The following IBTK variants were observed in gnomAD, a reference collection of about 807,000 sequenced individuals.
IBTK encodes the protein BTK-binding protein.
A neutral mutation model predicts 154.9 loss-of-function variants in IBTK; 83 were observed. That is an observed-to-expected ratio of 0.54 (90% CI 0.45 to 0.64). IBTK has a LOEUF of 0.64. Among genes scored for constraint, IBTK ranks in the 30% least tolerant of loss-of-function variants. The pLI is 0.00. For missense variants in IBTK, 1,332 were observed against 1,584.6 expected (o/e 0.84, Z 2.71); for synonymous variants, 515 against 536.1 (o/e 0.96, Z 0.54).
At position 82,172,282 on chromosome 6, in the gene IBTK, C is replaced by T. The variant is rs759854818; in HGVS notation, c.3930+98G>A. 9 of 1,186,536 alleles carry T rather than the reference C, an allele frequency of 7.6e-6. No individual in the cohort carries two copies. In the African/African-American group the frequency reaches 9.8e-5, roughly 13 times the overall value. 73.5% of individuals were successfully genotyped at this position (1,186,536 alleles called of 1,614,324 possible). On this transcript the variant is annotated intron_variant, in intron 28 of 28. Coordinates refer to ENST00000306270, the MANE Select transcript of IBTK (RefSeq NM_015525.4). ...CATTTACATTTTAATTTCATAGATA[C>T]AAGCACCTGTCCAAAACAAACAAAC... is the stretch of plus-strand genomic sequence containing the variant.
intron 23 of IBTK, among the ~76,000 whole-genome samples, chr6:82,192,728 T>C (rs1768814981): frequency 8.0e-6 from 1 of 125,630 alleles, no homozygotes; most frequent in Non-Finnish European, 1.7e-5. Context: ...GCCTGGGCAA[T>C]GAGGGCGAAA....
At chr6:82,235,460 G>A (rs1770681173) in intron 2 of IBTK, among the ~76,000 whole-genome samples, 1 of 151,998 alleles carries the variant, frequency 6.6e-6, no homozygotes, top group South Asian at 2.1e-4. Flanking sequence ...CAGGTGTGGT[G>A]GTGCATGCCT....
At position 82,204,947 on chromosome 6, in the gene IBTK, C is replaced by T. The variant is rs200780456; in HGVS notation, c.2521G>A (p.Val841Ile). The T allele has an allele frequency of 1.3e-6, 2 of 1,585,868 alleles. No homozygotes were observed. Among genetic ancestry groups the T allele is most frequent in the African/African-American group, 1.4e-5 (1 of 73,750 alleles). Residue 841 changes from valine (V) to isoleucine (I), a missense_variant, in exon 17 of 29, where the codon GTA becomes ATA. Transcript: ENST00000306270. ...ACAAGAACACTACAAATAAAATCTA[C>T]ATTTTGAGATTCTAAAAAAAGAAAG... ...EAVVIKESQN[V>I]DFICSVLVVA...
intron 4 of IBTK, 58 bp downstream of exon 4, chr6:82,231,656 ACAAT>A: frequency 2.3e-6 from 3 of 1,294,324 alleles, no homozygotes; most frequent in Non-Finnish European, 3.2e-6. Flanking sequence ...GAAAAGCTGA[ACAAT>A]CAAATACAAA....
At chr6:82,234,499 C>G (rs890836890) in intron 2 of IBTK, among the ~76,000 whole-genome samples, 3 of 151,754 alleles carry the variant, frequency 2.0e-5, no homozygotes, top group African/African-American at 7.3e-5. Flanking sequence ...CCACCACGCC[C>G]GGCTAATTTT....
At chr6:82,189,436 A>C (rs1229848393) in intron 25 of IBTK, among the ~76,000 whole-genome samples, 2 of 152,190 alleles carry the variant, frequency 1.3e-5, no homozygotes, top group African/African-American at 4.8e-5. Context: ...GGCTAGAATA[A>C]AAACATTTTC....
chr6:82,173,311 T>C (rs1767997544), intron 27 of IBTK, 56 bp downstream of exon 27: 2 of 1,300,936 alleles, frequency 1.5e-6, no homozygotes, highest in East Asian at 2.3e-5. Context: ...CTTAATGTTT[T>C]CAATGCTAAG....
Position 82,223,504 on chromosome 6 carries a change from A to G in IBTK, c.1060T>C (p.Cys354Arg), listed in dbSNP as rs1206324572. 1.2e-6 allele frequency: 2 copies of G among 1,614,010 alleles called. No homozygotes were observed. Among genetic ancestry groups the G allele is most frequent in the African/African-American group, 1.3e-5 (1 of 74,944 alleles). ...TAAATATCTCCCCTTGTGGTAACAC[A>G]GACTGTAGCTCCATCACTTGCAGCA... Reference protein sequence around the residue: ...LVAASDGATVCVTTRGDIYLL... With the variant: ...LVAASDGATVRVTTRGDIYLL... The change falls in exon 8 of 29, where the codon TGT (cysteine) becomes CGT (arginine). Residue 354 changes from cysteine (C) to arginine (R), a missense_variant. Cys to Arg is a radical substitution (Grantham distance 180). Around this residue, in one of 3 missense-constraint regions of IBTK, gnomAD observed 1,134 missense variants for 1,274.7 expected, o/e 0.89. Coordinates refer to ENST00000306270, the MANE Select transcript of IBTK (RefSeq NM_015525.4).
chr6:82,247,428 G>A (rs1771196661), intron 1 of IBTK, 134 bp downstream of exon 1: 2 of 395,144 alleles, frequency 5.1e-6, no homozygotes, highest in East Asian at 3.6e-5. Context: ...GGGCCACAGA[G>A]TCCCCTCCCC....
At chr6:82,184,061 A>G (rs1768419731) in intron 25 of IBTK, among the ~76,000 whole-genome samples, 1 of 152,240 alleles carries the variant, frequency 6.6e-6, no homozygotes, top group South Asian at 2.1e-4. Context: ...CAGCAGCACA[A>G]AATGAACTAA....
intron 26 of IBTK, among the ~76,000 whole-genome samples, chr6:82,181,360 G>T (rs1435836941): frequency 6.6e-6 from 1 of 152,180 alleles, no homozygotes; most frequent in African/African-American, 2.4e-5. Flanking sequence ...TAGTGAAACA[G>T]AATCAATGGA....
At chr6:82,217,901 T>A in intron 10 of IBTK, 59 bp downstream of exon 10, 1 of 1,186,618 alleles carries the variant, frequency 8.4e-7, no homozygotes, top group Non-Finnish European at 1.2e-6. Flanking sequence ...ACCTAATACT[T>A]GTCAAATTAA....
At chr6:82,244,735 G>A (rs1277702588) in intron 1 of IBTK, among the ~76,000 whole-genome samples, 4 of 151,908 alleles carry the variant, frequency 2.6e-5, no homozygotes, top group African/African-American at 7.3e-5. Flanking sequence ...CTTAAAGAAG[G>A]GGAAGAAAGC....
intron 5 of IBTK, among the ~76,000 whole-genome samples, chr6:82,226,955 A>G (rs1179479834): frequency 6.6e-6 from 1 of 152,170 alleles, no homozygotes; most frequent in East Asian, 1.9e-4. Flanking sequence ...AAGCTTATGT[A>G]ACGCTCCTGA....
At chr6:82,192,495 C>T (rs1004386479) in intron 23 of IBTK, among the ~76,000 whole-genome samples, 2 of 152,052 alleles carry the variant, frequency 1.3e-5, no homozygotes, top group African/African-American at 4.8e-5. Context: ...GCCTGTAATC[C>T]CAGTACTTTG....
intron 27 of IBTK, 51 bp from the exon 28 acceptor site, chr6:82,172,563 G>T: frequency 6.5e-7 from 1 of 1,547,608 alleles, no homozygotes. Flanking sequence ...ATTTTTGCAT[G>T]CAAAATTTTC....
intron 4 of IBTK, among the ~76,000 whole-genome samples, chr6:82,228,652 C>T (rs1050582217): frequency 6.7e-6 from 1 of 150,178 alleles, no homozygotes; most frequent in African/African-American, 2.5e-5. Flanking sequence ...GACGGAGTCT[C>T]GCTCTGTCAC....
At position 82,172,278 on chromosome 6, in the gene IBTK, GATACA is replaced by G. The variant is rs373931500; in HGVS notation, c.3930+97_3930+101del. The stretch of plus-strand genomic sequence containing the variant: ...CTGGCATTTACATTTTAATTTCATA[GATACA>G]AGCACCTGTCCAAAACAAACAAACA... On this transcript the variant is annotated intron_variant, in intron 28 of 28. Coordinates refer to ENST00000306270, the MANE Select transcript of IBTK (RefSeq NM_015525.4). The G allele has an allele frequency of 2.0e-3, 2,218 of 1,132,866 alleles. 27 individuals carry two copies. The African/African-American group carries it at 0.031, about 16-fold the overall frequency. The allele number at this position is 1,132,866 out of a possible 1,614,324, so 70.2% of individuals were successfully genotyped here.
chr6:82,244,967 C>T (rs1324380626), intron 1 of IBTK, among the ~76,000 whole-genome samples: 1 of 152,000 alleles, frequency 6.6e-6, no homozygotes, highest in African/African-American at 2.4e-5. Context: ...TAATTAGGAC[C>T]TAAATATTTT....
Sources: gnomAD v4.1 joint callset for allele counts (sites outside exome capture counted in the v4.1 genomes callset) on GRCh38, gnomAD v4.1.1 for gene constraint, gnomAD v4.1.1 regional missense constraint, MANE v1.5 for transcripts, NCBI Gene and HGNC (gene_info 2026-07-23, HGNC 2026-07-21) for gene names.